SNX25: variants seen among roughly 807,000 people sequenced by gnomAD.
SNX25 encodes sorting nexin 25, also known as sorting nexin-25.
In SNX25, 62 loss-of-function variants were observed where a neutral mutation model predicts 113.7. The ratio of observed to expected loss-of-function variants is 0.55; its 90% CI spans 0.44 to 0.67. SNX25 has a LOEUF of 0.67. Among genes scored for constraint, SNX25 ranks in the 30% least tolerant of loss-of-function variants. The pLI is 0.00. For missense variants in SNX25, 1,014 were observed against 1,161.0 expected (o/e 0.87, Z 1.84); for synonymous variants, 421 against 436.2 (o/e 0.97, Z 0.43).
At chr4:185,251,931 G>A (rs901130054) in intron 2 of SNX25, among the ~76,000 whole-genome samples, 1 of 151,590 alleles carries the variant, frequency 6.6e-6, no homozygotes, top group African/African-American at 2.4e-5. Context: ...AAAGCCTTTG[G>A]GTAAGCGTTT....
At chr4:185,245,937 C>T (rs952819794) in intron 1 of SNX25, among the ~76,000 whole-genome samples, 19 of 152,050 alleles carry the variant, frequency 1.2e-4, no homozygotes, top group Admixed American at 1.2e-3. Context: ...ATTCCTTATA[C>T]ATGTACTTTT....
chr4:185,374,431 G>T (rs770617049), downstream of SNX25: 1 of 1,613,980 alleles, frequency 6.2e-7, no homozygotes, highest in South Asian at 1.1e-5. Context: ...GGAGAATCAA[G>T]AATTTTCTTC....
chr4:185,325,579 G>C (rs1203975719), intron 9 of SNX25, among the ~76,000 whole-genome samples: 1 of 150,506 alleles, frequency 6.6e-6, no homozygotes, highest in Non-Finnish European at 1.5e-5. Context: ...CTGATTTGCT[G>C]TATTATATTG....
chr4:185,270,187 A>G (rs1382222129), intron 5 of SNX25, among the ~76,000 whole-genome samples: 1 of 152,130 alleles, frequency 6.6e-6, no homozygotes, highest in Non-Finnish European at 1.5e-5. Context: ...CCCCGTCTCT[A>G]CAATAAAAAA....
intron 2 of SNX25, among the ~76,000 whole-genome samples, chr4:185,248,180 A>G (rs1745124014): frequency 2.0e-5 from 3 of 152,186 alleles, no homozygotes; most frequent in Admixed American, 1.3e-4. Flanking sequence ...GATTCACAGA[A>G]TTTTAGACCT....
chr4:185,242,271 C>T (rs1442613847), intron 1 of SNX25, among the ~76,000 whole-genome samples: 6 of 152,074 alleles, frequency 3.9e-5, no homozygotes, highest in African/African-American at 1.2e-4. Flanking sequence ...ACCAAGCAAG[C>T]GGACACCAGC....
At chr4:185,229,745 A>C (rs1741547396) in intron 1 of SNX25, among the ~76,000 whole-genome samples, 1 of 152,208 alleles carries the variant, frequency 6.6e-6, no homozygotes, top group Non-Finnish European at 1.5e-5. Flanking sequence ...AACCATGTTA[A>C]ATTTCCAAGA....
intron 11 of SNX25, among the ~76,000 whole-genome samples, chr4:185,339,981 GT>G (rs1462174991): frequency 7.2e-5 from 11 of 152,132 alleles, no homozygotes; most frequent in African/African-American, 1.2e-4. Flanking sequence ...TGAGATAAGA[GT>G]TTGTAGAATA....
chr4:185,226,679 G>A (rs1037935976), intron 1 of SNX25, among the ~76,000 whole-genome samples: 3 of 152,102 alleles, frequency 2.0e-5, no homozygotes, highest in Admixed American at 6.5e-5. Context: ...TTGAACTCCT[G>A]GGCTCAAGTG....
At chr4:185,217,668 C>T (rs556314735) in intron 1 of SNX25, among the ~76,000 whole-genome samples, 5 of 152,238 alleles carry the variant, frequency 3.3e-5, no homozygotes, top group South Asian at 2.1e-4. Context: ...TCTTAGGCTT[C>T]GTTTCCCAAC....
At chr4:185,361,509 G>C (rs143686890) in intron 16 of SNX25, among the ~76,000 whole-genome samples, 1 of 152,106 alleles carries the variant, frequency 6.6e-6, no homozygotes, top group African/African-American at 2.4e-5. Context: ...AGGCTGAGGC[G>C]GGTGGATCAC....
At chr4:185,242,794 A>G (rs1253410183) in intron 1 of SNX25, among the ~76,000 whole-genome samples, 2 of 152,178 alleles carry the variant, frequency 1.3e-5, no homozygotes, top group Non-Finnish European at 2.9e-5. Context: ...AAGGTCAGAG[A>G]CTTGCCCCCG....
chr4:185,256,913 T>C (rs796953696), intron 2 of SNX25, among the ~76,000 whole-genome samples: 10 of 152,146 alleles, frequency 6.6e-5, no homozygotes, highest in African/African-American at 2.4e-4. Context: ...AATGAGCCAC[T>C]GTGCCCAGCC....
At chr4:185,287,516 G>A (rs1751503338) in intron 5 of SNX25, among the ~76,000 whole-genome samples, 1 of 152,178 alleles carries the variant, frequency 6.6e-6, no homozygotes, top group African/African-American at 2.4e-5. Flanking sequence ...TGAAGAAAAT[G>A]TTCTACTTGG....
intron 9 of SNX25, among the ~76,000 whole-genome samples, chr4:185,325,532 CAAAAA>C (rs34665853): frequency 9.0e-6 from 1 of 111,666 alleles, no homozygotes; most frequent in Non-Finnish European, 1.7e-5. Context: ...GACTCCGTCT[CAAAAA>C]AAAAAAAAAA....
chr4:185,286,249 A>C (rs1751334623), intron 5 of SNX25, among the ~76,000 whole-genome samples: 1 of 152,036 alleles, frequency 6.6e-6, no homozygotes, highest in Admixed American at 6.6e-5. Context: ...CATAGTAGCT[A>C]GGACTACCGG....
chr4:185,350,828 C>T (rs537710713), intron 13 of SNX25, among the ~76,000 whole-genome samples: 20 of 152,220 alleles, frequency 1.3e-4, no homozygotes, highest in Non-Finnish European at 2.8e-4. Context: ...CGCCACTGCA[C>T]GACATCCTGG....
At chr4:185,249,506 C>A (rs1745342600) in intron 2 of SNX25, among the ~76,000 whole-genome samples, 2 of 152,038 alleles carry the variant, frequency 1.3e-5, no homozygotes, top group Non-Finnish European at 1.5e-5. Context: ...GGATTCATGT[C>A]TTTTGTTAGA....
At chr4:185,338,842 C>A (rs1341117592) in intron 10 of SNX25, among the ~76,000 whole-genome samples, 1 of 152,104 alleles carries the variant, frequency 6.6e-6, no homozygotes, top group Non-Finnish European at 1.5e-5. Flanking sequence ...TGTCTTTAAG[C>A]CAGTACCACA....
Sources: allele counts gnomAD v4.1 joint callset (sites outside exome capture counted in the v4.1 genomes callset), GRCh38; gene constraint gnomAD v4.1.1; transcripts MANE v1.5; gene names NCBI Gene and HGNC (gene_info 2026-07-23, HGNC 2026-07-21).